GLI3: variants seen among roughly 807,000 people sequenced by gnomAD.
GLI3 encodes GLI family zinc finger 3.
In GLI3, 20 loss-of-function variants were observed where a neutral mutation model predicts 100.8. The ratio of observed to expected loss-of-function variants is 0.20; its 90% CI spans 0.14 to 0.29. The LOEUF (loss-of-function observed/expected upper bound fraction) is 0.29, where lower values mean the gene tolerates loss of function less well. GLI3 is among the 10% of genes least tolerant of loss of function. The pLI, the probability that GLI3 is intolerant of heterozygous loss-of-function variation, is 1.00. For missense variants in GLI3, 2,040 were observed against 2,128.5 expected (o/e 0.96, Z 0.82); for synonymous variants, 938 against 860.5 (o/e 1.09, Z -1.58).
intron 4 of GLI3, among the ~76,000 whole-genome samples, chr7:42,076,072 G>A (rs1784873642): frequency 6.6e-6 from 1 of 152,160 alleles, no homozygotes; most frequent in Non-Finnish European, 1.5e-5. Context: ...AATTATTATG[G>A]TACATGACAG....
At chr7:42,098,264 T>G (rs1785384760) in intron 3 of GLI3, among the ~76,000 whole-genome samples, 1 of 152,170 alleles carries the variant, frequency 6.6e-6, no homozygotes, top group Non-Finnish European at 1.5e-5. Flanking sequence ...TAGAAAAGTT[T>G]GTTTTTATCC....
chr7:41,968,771 A>G (rs11983966), intron 13 of GLI3, among the ~76,000 whole-genome samples: 113 of 137,048 alleles, frequency 8.2e-4, no homozygotes, highest in Non-Finnish European at 1.3e-3. Flanking sequence ...AAGGAAAGAA[A>G]GAAAGAAAGA....
rs1787196442 is a variant in GLI3 at position 41,966,745 on chromosome 7, T to G, written c.2432-104A>C. 4 of 1,172,114 alleles carry G rather than the reference T, an allele frequency of 3.4e-6. No individual in the cohort carries two copies. Among genetic ancestry groups the G allele is most frequent in the Admixed American group, 1.8e-5 (1 of 56,790 alleles). 72.6% of individuals were successfully genotyped at this position (1,172,114 alleles called of 1,614,324 possible). ...TTTCTGTAAAGGGCCAGCTAGGAAC[T>G]ATTTCTGGTGTCCCAGGCCACATTG... On this transcript the variant is annotated intron_variant, in intron 14 of 14. Transcript: ENST00000395925. This position sits in a 1 kb window ranked among gnomAD's most constrained non-coding sequence, Gnocchi z 5.8.
At chr7:42,235,100 T>C (rs1203018397) in intron 1 of GLI3, among the ~76,000 whole-genome samples, 4 of 152,164 alleles carry the variant, frequency 2.6e-5, no homozygotes, top group Non-Finnish European at 5.9e-5. Flanking sequence ...AATTAAGAGA[T>C]TTTGAGGCTA....
intron 3 of GLI3, among the ~76,000 whole-genome samples, chr7:42,096,717 G>C (rs906536779): frequency 6.6e-6 from 1 of 152,188 alleles, no homozygotes; most frequent in African/African-American, 2.4e-5. Context: ...CCAGAAGCCA[G>C]GTCAGAGCAT....
chr7:42,025,616 A>T (rs549084296), intron 8 of GLI3, among the ~76,000 whole-genome samples: 1 of 152,324 alleles, frequency 6.6e-6, no homozygotes, highest in African/African-American at 2.4e-5. Context: ...TATGGCTTTT[A>T]AAAGCTAGAA....
chr7:41,967,560 A>G (rs768179361), intron 14 of GLI3, 36 bp downstream of exon 14: 1 of 1,473,282 alleles, frequency 6.8e-7, no homozygotes, highest in Non-Finnish European at 9.4e-7. Context: ...AGAAAAAAAA[A>G]CCCTGAGCAG....
chr7:41,991,895 G>C (rs548909490), intron 10 of GLI3, among the ~76,000 whole-genome samples: 1 of 152,282 alleles, frequency 6.6e-6, no homozygotes, highest in African/African-American at 2.4e-5. Context: ...TATAGGATTG[G>C]GGAATGTGTG....
chr7:42,154,240 A>T (rs912074768), intron 2 of GLI3, among the ~76,000 whole-genome samples: 5 of 152,124 alleles, frequency 3.3e-5, no homozygotes, highest in African/African-American at 1.2e-4. Flanking sequence ...GAGACACTGG[A>T]CCCACGTGGA....
At chr7:42,122,682 C>G (rs1009082983) in intron 3 of GLI3, among the ~76,000 whole-genome samples, 2 of 152,152 alleles carry the variant, frequency 1.3e-5, no homozygotes, top group Non-Finnish European at 1.5e-5. Context: ...AACCAAGTCA[C>G]CAGCACCTAT....
Position 41,964,027 on chromosome 7 carries a change from T to G in GLI3, c.*303A>C. ...GAAAGAAGAATATGCACATCACAAA[T>G]TTACATCGGTTTACTAAAAAGGGGG... On this transcript the variant is annotated 3_prime_UTR_variant, in exon 15 of 15. Coordinates refer to ENST00000395925, the MANE Select transcript of GLI3 (RefSeq NM_000168.6). The G allele has an allele frequency of 1.1e-5, 3 of 269,072 alleles. No homozygotes were observed. Among genetic ancestry groups the G allele is most frequent in the Non-Finnish European group, 2.1e-5 (3 of 141,574 alleles). 16.7% of individuals were successfully genotyped at this position (269,072 alleles called of 1,614,324 possible).
At chr7:42,156,318 C>T (rs1022257944) in intron 2 of GLI3, among the ~76,000 whole-genome samples, 1 of 152,122 alleles carries the variant, frequency 6.6e-6, no homozygotes, top group East Asian at 1.9e-4. Flanking sequence ...AGTTGCCAGT[C>T]GCTGCTTACA....
At chr7:42,026,468 G>A (rs976051927) in intron 7 of GLI3, 56 bp from the exon 8 acceptor site, 1 of 1,278,912 alleles carries the variant, frequency 7.8e-7, no homozygotes, top group Admixed American at 1.8e-5. Flanking sequence ...GCTCAGACAA[G>A]TACACAAGAT....
intron 3 of GLI3, among the ~76,000 whole-genome samples, chr7:42,110,973 CT>C (rs1554328832): frequency 2.6e-5 from 4 of 152,128 alleles, no homozygotes; most frequent in Non-Finnish European, 1.5e-5. Context: ...ACCAGTCAAA[CT>C]TGGGTTTGAA....
At chr7:42,002,377 A>G (rs1424686177) in intron 10 of GLI3, among the ~76,000 whole-genome samples, 1 of 152,194 alleles carries the variant, frequency 6.6e-6, no homozygotes, top group African/African-American at 2.4e-5. Flanking sequence ...GAAAAGCAAC[A>G]CTTTTCTCCA....
At chr7:42,022,224 T>C (rs1326440700) in intron 10 of GLI3, among the ~76,000 whole-genome samples, 1 of 152,156 alleles carries the variant, frequency 6.6e-6, no homozygotes, top group Non-Finnish European at 1.5e-5. Context: ...ACATTCTGTA[T>C]AGAACAGAGC....
intron 3 of GLI3, 95 bp downstream of exon 3, chr7:42,148,131 G>C: frequency 8.5e-7 from 1 of 1,182,000 alleles, no homozygotes. Flanking sequence ...ACTTCATAAA[G>C]CGCGCACACA....
At chr7:41,981,149 G>A (rs1213240949) in intron 10 of GLI3, among the ~76,000 whole-genome samples, 1 of 152,214 alleles carries the variant, frequency 6.6e-6, no homozygotes, top group East Asian at 1.9e-4. Context: ...CAGAAGAACA[G>A]AGCCTGGTGC....
chr7:42,249,235 C>A (rs568769763), intron 1 of GLI3, among the ~76,000 whole-genome samples: 53 of 152,264 alleles, frequency 3.5e-4, no homozygotes, highest in Middle Eastern at 3.4e-3. Flanking sequence ...TGCGCTCTGC[C>A]ATTGTATCAC....
Sources: gnomAD v4.1 joint callset for allele counts (sites outside exome capture counted in the v4.1 genomes callset) on GRCh38, gnomAD v4.1.1 for gene constraint, Gnocchi (gnomAD v3.1) non-coding constraint, MANE v1.5 for transcripts, NCBI Gene and HGNC (gene_info 2026-07-23, HGNC 2026-07-21) for gene names.